The following CADPS2 variants were observed in gnomAD, a reference collection of about 807,000 sequenced individuals.
CADPS2 encodes calcium dependent secretion activator 2.
Under a neutral mutation model 172.5 loss-of-function variants are expected in CADPS2, and 93 were observed. The observed-to-expected ratio is 0.54, with a 90% CI of 0.46 to 0.64. CADPS2 has a LOEUF of 0.64. Among genes scored for constraint, CADPS2 ranks in the 30% least tolerant of loss-of-function variants. The pLI, the probability that CADPS2 is intolerant of heterozygous loss-of-function variation, is 0.00. For missense variants in CADPS2, 1,420 were observed against 1,565.9 expected (o/e 0.91, Z 1.57); for synonymous variants, 546 against 555.2 (o/e 0.98, Z 0.23).
chr7:122,421,573 A>G (rs991956199), intron 17 of CADPS2, among the ~76,000 whole-genome samples: 12 of 152,170 alleles, frequency 7.9e-5, no homozygotes, highest in African/African-American at 2.9e-4. Context: ...CAAACATTTT[A>G]TTCCATGTAA....
intron 1 of CADPS2, among the ~76,000 whole-genome samples, chr7:122,745,427 T>C (rs2092681115): frequency 6.6e-6 from 1 of 151,952 alleles, no homozygotes. Context: ...TCCCAAAGCC[T>C]ATATTCTTTC....
At chr7:122,757,151 A>G (rs986271753) in intron 1 of CADPS2, among the ~76,000 whole-genome samples, 3 of 141,746 alleles carry the variant, frequency 2.1e-5, no homozygotes, top group Non-Finnish European at 3.1e-5. Context: ...TAAGTTAGGT[A>G]TAGTTTTTAT....
At chr7:122,650,014 T>C (rs2078987737) in intron 3 of CADPS2, among the ~76,000 whole-genome samples, 1 of 145,444 alleles carries the variant, frequency 6.9e-6, no homozygotes, top group Non-Finnish European at 1.5e-5. Context: ...GGTTCAGCAA[T>C]TCTCCTGCCT....
intron 27 of CADPS2, chr7:122,354,375 T>C (rs575340251): frequency 2.0e-5 from 3 of 152,272 alleles, no homozygotes; most frequent in Non-Finnish European, 4.4e-5. Flanking sequence ...GATGAAGTGA[T>C]GGAGCAAGGA....
intron 22 of CADPS2, among the ~76,000 whole-genome samples, chr7:122,391,205 C>T (rs373717674): frequency 1.8e-4 from 27 of 152,070 alleles, no homozygotes; most frequent in Middle Eastern, 3.4e-3. Flanking sequence ...TGTTGATAAC[C>T]TTGGTAGGTA....
chr7:122,559,204 TG>T (rs1390142289), intron 7 of CADPS2, among the ~76,000 whole-genome samples: 2 of 152,054 alleles, frequency 1.3e-5, no homozygotes, highest in Non-Finnish European at 2.9e-5. Flanking sequence ...AAGGCTGACA[TG>T]GGGTAGGGGA....
intron 27 of CADPS2, among the ~76,000 whole-genome samples, chr7:122,351,073 T>C (rs2038485622): frequency 6.6e-6 from 1 of 151,636 alleles, no homozygotes; most frequent in Non-Finnish European, 1.5e-5. Flanking sequence ...AAAAATCTCA[T>C]TGTTATTCCA....
chr7:122,568,849 T>A (rs572638621), intron 7 of CADPS2, among the ~76,000 whole-genome samples: 20 of 152,168 alleles, frequency 1.3e-4, no homozygotes, highest in African/African-American at 4.8e-4. Flanking sequence ...TTAATCAAAA[T>A]TAAAAATTTT....
chr7:122,786,249 C>T (rs1441573440), intron 1 of CADPS2, among the ~76,000 whole-genome samples: 1 of 152,074 alleles, frequency 6.6e-6, no homozygotes, highest in Non-Finnish European at 1.5e-5. Flanking sequence ...GGATGAGAAG[C>T]CATGAAGAAT....
chr7:122,532,138 A>C (rs2061815654), intron 8 of CADPS2, among the ~76,000 whole-genome samples: 1 of 152,170 alleles, frequency 6.6e-6, no homozygotes, highest in Non-Finnish European at 1.5e-5. Flanking sequence ...AGATTTGGGA[A>C]ATTCTATCAA....
chr7:122,847,209 C>T (rs1192304826), intron 1 of CADPS2, among the ~76,000 whole-genome samples: 1 of 152,162 alleles, frequency 6.6e-6, no homozygotes, highest in Non-Finnish European at 1.5e-5. Flanking sequence ...ATCTTGGCCT[C>T]TCAAGTAGCT....
intron 9 of CADPS2, among the ~76,000 whole-genome samples, chr7:122,495,559 G>A (rs2058668662): frequency 6.6e-6 from 1 of 152,140 alleles, no homozygotes; most frequent in South Asian, 2.1e-4. Flanking sequence ...CTATCCTAGT[G>A]ATGTCCTTCA....
intron 17 of CADPS2, chr7:122,424,215 C>T: frequency 2.1e-6 from 1 of 472,714 alleles, no homozygotes; most frequent in African/African-American, 2.1e-5. Flanking sequence ...ATTTAATGAC[C>T]CTGCCATTTA....
intron 8 of CADPS2, among the ~76,000 whole-genome samples, chr7:122,541,422 T>C (rs923155393): frequency 9.8e-4 from 144 of 147,682 alleles, no homozygotes; most frequent in African/African-American, 3.1e-3. Context: ...GTCAGGCTGG[T>C]CTTGAACTCC....
chr7:122,701,864 G>A (rs768295004), intron 2 of CADPS2: 9 of 1,610,536 alleles, frequency 5.6e-6, no homozygotes, highest in Non-Finnish European at 7.6e-6. Context: ...CTTGCACATG[G>A]GACATGTCCT....
intron 14 of CADPS2, among the ~76,000 whole-genome samples, chr7:122,464,170 G>A (rs534894188): frequency 4.7e-4 from 71 of 152,154 alleles, no homozygotes; most frequent in Non-Finnish European, 8.8e-4. Context: ...AGATGAGCTT[G>A]CAGCATGTCA....
Position 122,461,690 on chromosome 7 carries a change from GT to G in CADPS2, c.2186+9684del, listed in dbSNP as rs895341971. Among the ~76,000 whole-genome samples, 67 of 152,246 alleles carry G rather than the reference GT, an allele frequency of 4.4e-4. 1 individual carries two copies. The highest frequency in any genetic ancestry group is 1.5e-3 in the African/African-American group (62 of 41,544). On this transcript the variant is annotated intron_variant, in intron 14 of 29. Transcript: ENST00000449022. Reference sequence around the variant, plus strand: ...GCTCACTGCAACCTCTGCCTCTCAGGTTCCAGTGATTCTCCTGCCTCAGCCT... The same window carrying G: ...GCTCACTGCAACCTCTGCCTCTCAGGTCCAGTGATTCTCCTGCCTCAGCCT...
intron 6 of CADPS2, among the ~76,000 whole-genome samples, chr7:122,601,223 G>C (rs921238290): frequency 6.6e-6 from 1 of 151,996 alleles, no homozygotes; most frequent in African/African-American, 2.4e-5. Flanking sequence ...AATTTTTGAA[G>C]ATTCTTATGA....
intron 29 of CADPS2, among the ~76,000 whole-genome samples, chr7:122,323,922 T>TGG: frequency 8.1e-6 from 1 of 123,166 alleles, no homozygotes; most frequent in East Asian, 2.4e-4. Flanking sequence ...TATATATATA[T>TGG]GGCAAATACA....
Sources: gnomAD v4.1 joint callset for allele counts (sites outside exome capture counted in the v4.1 genomes callset) on GRCh38, gnomAD v4.1.1 for gene constraint, MANE v1.5 for transcripts, NCBI Gene and HGNC (gene_info 2026-07-23, HGNC 2026-07-21) for gene names.